The following AXDND1 variants were observed in gnomAD, a reference collection of about 807,000 sequenced individuals.
The protein encoded by AXDND1 is axonemal dynein light chain domain containing 1, also known as axonemal dynein light chain domain-containing protein 1.
A neutral mutation model predicts 137.5 loss-of-function variants in AXDND1; 110 were observed. The ratio of observed to expected loss-of-function variants is 0.80; its 90% CI spans 0.69 to 0.94. AXDND1 has a LOEUF of 0.94. Among genes scored for constraint, AXDND1 ranks in the 40% least tolerant of loss-of-function variants. The probability of loss-of-function intolerance (pLI) is 0.00; values close to 1 mark genes in which losing one functional copy is unlikely to be tolerated. For synonymous variants in AXDND1, 414 were observed against 399.7 expected (o/e 1.04, Z -0.43); for missense variants, 1,191 against 1,169.8 (o/e 1.02, Z -0.26).
rs1667877010 is a variant in AXDND1 at position 179,369,983 on chromosome 1, TC to T, written c.281del (p.Pro94HisfsTer4). 2 of 1,613,696 alleles carry T rather than the reference TC, an allele frequency of 1.2e-6. No individual in the cohort carries two copies. The highest frequency in any genetic ancestry group is 1.7e-6 in the Non-Finnish European group (2 of 1,179,716). ...TATTTGCTTTTTCCCAGGGCACTCTTCCACGCCTTGTAGACCATGTCTGGCA... is the reference window on the plus strand; with the variant it reads ...TATTTGCTTTTTCCCAGGGCACTCTTCACGCCTTGTAGACCATGTCTGGCA... The part of the protein sequence containing the change: ...KKIKTPKGTL[P>X]RLVDHVWHHP... On this transcript the variant is annotated frameshift_variant, in exon 4 of 26. Transcript: ENST00000367618. LOFTEE classifies it high-confidence loss of function.
intron 12 of AXDND1, among the ~76,000 whole-genome samples, chr1:179,424,270 T>C (rs1656234892): frequency 6.6e-6 from 1 of 152,136 alleles, no homozygotes. Flanking sequence ...GCTTCTTTAC[T>C]CTTGCTGCTT....
At chr1:179,552,296 A>G (rs931786594) in intron 25 of AXDND1, 1 of 441,966 alleles carries the variant, frequency 2.3e-6, no homozygotes, top group African/African-American at 2.0e-5. Context: ...ATTACCCAGG[A>G]AAAGATGCCA....
At chr1:179,534,263 C>T (rs1024979286) in intron 24 of AXDND1, among the ~76,000 whole-genome samples, 3 of 152,110 alleles carry the variant, frequency 2.0e-5, no homozygotes. Context: ...CTGGGGATGC[C>T]AGGAGAAGAG....
chr1:179,552,519 G>T, intron 25 of AXDND1: 1 of 1,048,590 alleles, frequency 9.5e-7, no homozygotes, highest in Non-Finnish European at 1.5e-6. Context: ...CCTAATGAAT[G>T]GACAGTAAGG....
chr1:179,536,392 G>C (rs1671563327), intron 25 of AXDND1, among the ~76,000 whole-genome samples: 2 of 152,154 alleles, frequency 1.3e-5, no homozygotes, highest in African/African-American at 4.8e-5. Context: ...TTTTGTATAA[G>C]GTGTAAGGAA....
At chr1:179,432,486 T>C in intron 15 of AXDND1, 144 bp downstream of exon 15, 3 of 1,209,436 alleles carry the variant, frequency 2.5e-6, no homozygotes, top group Non-Finnish European at 3.3e-6. Context: ...AGCGCAGTAG[T>C]GTGATCTTGG....
chr1:179,470,652 T>G (rs2125489682), intron 17 of AXDND1, among the ~76,000 whole-genome samples: 1 of 152,264 alleles, frequency 6.6e-6, no homozygotes, highest in East Asian at 1.9e-4. Flanking sequence ...CCTTACTGAA[T>G]TCATTTATTA....
At chr1:179,412,084 T>G (rs532365172) in intron 12 of AXDND1, among the ~76,000 whole-genome samples, 1 of 152,214 alleles carries the variant, frequency 6.6e-6, no homozygotes, top group South Asian at 2.1e-4. Flanking sequence ...CTCCTAGGCT[T>G]AAATCATCCT....
At chr1:179,500,335 TTA>T (rs879760175) in intron 20 of AXDND1, among the ~76,000 whole-genome samples, 6 of 106,928 alleles carry the variant, frequency 5.6e-5, no homozygotes, top group South Asian at 3.1e-4. Context: ...GCAGGGTACA[TTA>T]TGTGTGTGTG....
Position 179,421,035 on chromosome 1 carries a change from C to CCCTTCCTT in AXDND1, c.1231-8430_1231-8423dup, listed in dbSNP as rs143579938. On this transcript the variant is annotated intron_variant, in intron 12 of 25. Transcript: ENST00000367618. ...TTCGTTTCTTATTCTATTTGGGTAT[C>CCCTTCCTT]CCTTCCTTCCTTCCTTCCTTCCTTC... 5.4e-3 allele frequency among the ~76,000 whole-genome samples: 725 copies of CCCTTCCTT among 134,758 alleles called. 5 individuals are homozygous for CCCTTCCTT. Among genetic ancestry groups the CCCTTCCTT allele is most frequent in the East Asian group, 0.021 (97 of 4,620 alleles). The allele number at this position is 134,758 out of a possible 152,430, so 88.4% of individuals were successfully genotyped here.
chr1:179,417,595 A>G (rs749411938), intron 12 of AXDND1, among the ~76,000 whole-genome samples: 4 of 152,094 alleles, frequency 2.6e-5, no homozygotes, highest in Non-Finnish European at 5.9e-5. Flanking sequence ...TGCCATTACC[A>G]TGCCGATTTG....
chr1:179,406,137 G>GT (rs1288051684), intron 11 of AXDND1, among the ~76,000 whole-genome samples: 1 of 151,948 alleles, frequency 6.6e-6, no homozygotes, highest in Admixed American at 6.6e-5. Flanking sequence ...GGAGCATGTT[G>GT]TTTAACTTCC....
chr1:179,545,585 T>C (rs1008242338), intron 25 of AXDND1: 1 of 152,192 alleles, frequency 6.6e-6, no homozygotes. Flanking sequence ...GCCAGCCTTA[T>C]CTTTGCTCCT....
Position 179,488,634 on chromosome 1 carries a change from CCTTTCTTTCTTTCTTTCTTTCTTTCTT to C in AXDND1, c.2092-2903_2092-2877del, listed in dbSNP as rs1558256378. Among the ~76,000 whole-genome samples the C allele has an allele frequency of 3.6e-4, 38 of 105,254 alleles. 2 individuals are homozygous for C. Among genetic ancestry groups the C allele is most frequent in the East Asian group, 1.0e-3 (4 of 3,854 alleles). The allele number at this position is 105,254 out of a possible 152,430, so 69.1% of individuals were successfully genotyped here. On this transcript the variant is annotated intron_variant, in intron 18 of 25. Coordinates refer to ENST00000367618, the MANE Select transcript of AXDND1 (RefSeq NM_144696.6). Reference sequence around the variant, plus strand: ...TTTCTTTCTTTCTCTCTCTCTCTCTCCTTTCTTTCTTTCTTTCTTTCTTTCTTTCTTTCTTTCTTTCTTTCTTTCTTT... The same window carrying C: ...TTTCTTTCTTTCTCTCTCTCTCTCTCTCTTTCTTTCTTTCTTTCTTTCTTT...
intron 9 of AXDND1, among the ~76,000 whole-genome samples, chr1:179,392,853 C>T (rs757159610): frequency 1.3e-5 from 2 of 151,142 alleles, no homozygotes; most frequent in African/African-American, 4.9e-5. Context: ...TGGAGTTCAT[C>T]GTAGATTTTG....
chr1:179,439,849 T>A (rs759711756), intron 15 of AXDND1, among the ~76,000 whole-genome samples: 6 of 147,752 alleles, frequency 4.1e-5, no homozygotes, highest in Non-Finnish European at 9.0e-5. Context: ...TCCCATTCCA[T>A]GGCCACACGC....
chr1:179,401,468 G>A (rs568952042), intron 11 of AXDND1, among the ~76,000 whole-genome samples: 2 of 152,174 alleles, frequency 1.3e-5, no homozygotes, highest in African/African-American at 4.8e-5. Context: ...AAAATTGATT[G>A]AAGAGTGATT....
chr1:179,522,550 A>G (rs1558300444), intron 21 of AXDND1, among the ~76,000 whole-genome samples: 1 of 152,132 alleles, frequency 6.6e-6, no homozygotes, highest in African/African-American at 2.4e-5. Flanking sequence ...ACATTGAAAT[A>G]ATGGAATTCT....
At chr1:179,480,918 T>G (rs4652396) in intron 17 of AXDND1, among the ~76,000 whole-genome samples, 68,541 of 148,558 alleles carry the variant, frequency 0.46, 16,499 homozygotes, top group East Asian at 0.76. Flanking sequence ...TTTGTTTGTT[T>G]TTGCTTTTAT....
Sources: allele counts gnomAD v4.1 joint callset (sites outside exome capture counted in the v4.1 genomes callset), GRCh38; gene constraint gnomAD v4.1.1; transcripts MANE v1.5; gene names NCBI Gene and HGNC (gene_info 2026-07-23, HGNC 2026-07-21).